MACROD2: variants seen among roughly 807,000 people sequenced by gnomAD.
MACROD2 encodes ADP-ribose glycohydrolase MACROD2.
A neutral mutation model predicts 70.4 loss-of-function variants in MACROD2; 36 were observed. That is an observed-to-expected ratio of 0.51 (90% CI 0.39 to 0.68). The LOEUF (loss-of-function observed/expected upper bound fraction) is 0.68, where lower values mean the gene tolerates loss of function less well. MACROD2 is among the 30% of genes least tolerant of loss of function. MACROD2 has a pLI of 0.00. For synonymous variants in MACROD2, 172 were observed against 178.8 expected, an observed-to-expected ratio of 0.96 and a Z score of 0.30; for missense variants, 496 against 538.4, an observed-to-expected ratio of 0.92 and a Z score of 0.78.
At chr20:15,154,164 C>A (rs1001384985) in intron 5 of MACROD2, among the ~76,000 whole-genome samples, 4 of 152,190 alleles carry the variant, frequency 2.6e-5, no homozygotes, top group African/African-American at 9.6e-5. Flanking sequence ...AGCGATATTT[C>A]TTCAGCCCAA....
intron 4 of MACROD2, among the ~76,000 whole-genome samples, chr20:14,588,989 GT>G: frequency 6.6e-6 from 1 of 151,974 alleles, no homozygotes. Context: ...ATACATTCTT[GT>G]TTTTATATTA....
chr20:14,108,296 A>C (rs1041358197), intron 3 of MACROD2, among the ~76,000 whole-genome samples: 1 of 152,098 alleles, frequency 6.6e-6, no homozygotes, highest in African/African-American at 2.4e-5. Context: ...AAATCATGCT[A>C]TCAGATAAAA....
At chr20:14,461,940 A>T (rs2084377582) in intron 3 of MACROD2, among the ~76,000 whole-genome samples, 1 of 152,070 alleles carries the variant, frequency 6.6e-6, no homozygotes, top group Admixed American at 6.5e-5. Context: ...TAGTGCTGCA[A>T]GAAACATACG....
intron 5 of MACROD2, among the ~76,000 whole-genome samples, chr20:14,756,815 G>A (rs146404036): frequency 2.8e-4 from 42 of 152,168 alleles, no homozygotes; most frequent in African/African-American, 8.9e-4. Context: ...ACGTGTCAAC[G>A]GTGGGACCAG....
chr20:15,237,804 T>A (rs1309425526), intron 6 of MACROD2, among the ~76,000 whole-genome samples: 2 of 152,058 alleles, frequency 1.3e-5, no homozygotes, highest in African/African-American at 2.4e-5. Flanking sequence ...TTTTTTTTTT[T>A]ATCTTTCCCC....
chr20:14,780,021 A>G (rs1246930351), intron 5 of MACROD2, among the ~76,000 whole-genome samples: 2 of 152,038 alleles, frequency 1.3e-5, no homozygotes, highest in African/African-American at 4.8e-5. Flanking sequence ...CAGATGAAGA[A>G]ACTGAGGTTC....
At chr20:14,115,734 T>G (rs927565) in intron 3 of MACROD2, among the ~76,000 whole-genome samples, 79,588 of 151,948 alleles carry the variant, frequency 0.52, 22,652 homozygotes, top group Non-Finnish European at 0.62. Flanking sequence ...GATTTGTGTA[T>G]TTTTTCTTCA....
intron 7 of MACROD2, among the ~76,000 whole-genome samples, chr20:15,474,973 C>A (rs1359850123): frequency 6.6e-6 from 1 of 151,726 alleles, no homozygotes; most frequent in Non-Finnish European, 1.5e-5. Flanking sequence ...CCTGGGGGAT[C>A]CGCATCTGCA....
chr20:15,169,139 T>C (rs1218565465), intron 5 of MACROD2, among the ~76,000 whole-genome samples: 2 of 152,160 alleles, frequency 1.3e-5, no homozygotes, highest in East Asian at 1.9e-4. Flanking sequence ...ATACCTAAAA[T>C]TGGTTAAAAG....
chr20:14,606,370 A>G (rs1302028553), intron 4 of MACROD2, among the ~76,000 whole-genome samples: 1 of 152,120 alleles, frequency 6.6e-6, no homozygotes, highest in Admixed American at 6.6e-5. Flanking sequence ...TTTTGGGAAT[A>G]TTGTCTAAGA....
At chr20:14,590,018 G>A (rs1981655689) in intron 4 of MACROD2, among the ~76,000 whole-genome samples, 1 of 152,126 alleles carries the variant, frequency 6.6e-6, no homozygotes, top group Non-Finnish European at 1.5e-5. Flanking sequence ...CTTGGGGTTA[G>A]AATTTAAAAC....
chr20:15,969,509 A>G (rs2066197315), intron 13 of MACROD2, among the ~76,000 whole-genome samples: 1 of 152,316 alleles, frequency 6.6e-6, no homozygotes, highest in South Asian at 2.1e-4. Context: ...TTTTACAATG[A>G]AAGAGTCTAG....
At position 14,319,025 on chromosome 20, in the gene MACROD2, T is replaced by C. The variant is rs137944890; in HGVS notation, c.272-174454T>C. 8.6e-3 allele frequency among the ~76,000 whole-genome samples: 1,315 copies of C among 152,272 alleles called. 6 individuals are homozygous for C. Among genetic ancestry groups the C allele is most frequent in the Middle Eastern group, 0.02 (6 of 294 alleles). ...GGGAGAGGTGTGGGATGTAGGTAGG[T>C]AATCTCAAAAATGTTTTCTCCAAAC... On this transcript the variant is annotated intron_variant, in intron 3 of 17. Coordinates refer to ENST00000684519, the MANE Select transcript of MACROD2 (RefSeq NM_001351661.2).
intron 5 of MACROD2, among the ~76,000 whole-genome samples, chr20:14,969,442 T>TC (rs2074670924): frequency 6.6e-6 from 1 of 151,438 alleles, no homozygotes; most frequent in South Asian, 2.1e-4. Context: ...ATGAAACTCC[T>TC]CTACCTATGA....
At chr20:14,438,250 TCCCTTC>T (rs2084081771) in intron 3 of MACROD2, among the ~76,000 whole-genome samples, 1 of 152,200 alleles carries the variant, frequency 6.6e-6, no homozygotes. Context: ...TAGGATCTCC[TCCCTTC>T]TTTAAGGCAG....
intron 8 of MACROD2, among the ~76,000 whole-genome samples, chr20:15,598,172 G>A (rs2048771262): frequency 6.6e-6 from 1 of 152,188 alleles, no homozygotes; most frequent in African/African-American, 2.4e-5. Context: ...TGGCAAAGGG[G>A]AAAGGCTTTA....
intron 8 of MACROD2, among the ~76,000 whole-genome samples, chr20:15,775,767 G>A (rs1182688968): frequency 6.6e-6 from 1 of 152,118 alleles, no homozygotes; most frequent in Non-Finnish European, 1.5e-5. Flanking sequence ...TAATGAGGCA[G>A]ACAAGACCAC....
intron 4 of MACROD2, among the ~76,000 whole-genome samples, chr20:14,550,838 T>TTAGAG (rs1170546687): frequency 6.6e-6 from 1 of 151,712 alleles, no homozygotes; most frequent in Admixed American, 6.6e-5. Flanking sequence ...TAGAGTGTGA[T>TTAGAG]TAGAGGTGTT....
chr20:15,116,518 G>A (rs2075992841), intron 5 of MACROD2, among the ~76,000 whole-genome samples: 1 of 152,106 alleles, frequency 6.6e-6, no homozygotes, highest in East Asian at 1.9e-4. Context: ...GGTGACGTGT[G>A]CCTGTAATCC....
Sources: gnomAD v4.1 joint callset for allele counts (sites outside exome capture counted in the v4.1 genomes callset) on GRCh38, gnomAD v4.1.1 for gene constraint, MANE v1.5 for transcripts, NCBI Gene and HGNC (gene_info 2026-07-23, HGNC 2026-07-21) for gene names.